Variants in SV2C observed in about 807,000 individuals in gnomAD.
The protein encoded by SV2C is solute carrier family 22 member B3.
A neutral mutation model predicts 79.7 loss-of-function variants in SV2C; 49 were observed. The ratio of observed to expected loss-of-function variants is 0.61; its 90% confidence interval spans 0.49 to 0.78. The LOEUF is 0.78. Among genes scored for constraint, SV2C ranks in the 30% least tolerant of loss-of-function variants. The probability of loss-of-function intolerance (pLI) is 0.00; values close to 1 mark genes in which losing one functional copy is unlikely to be tolerated. For synonymous variants in SV2C, 334 were observed against 333.2 expected (o/e 1.00, Z -0.03); for missense variants, 833 against 912.9 (o/e 0.91, Z 1.13).
chr5:75,954,607 C>T, the SV2C span, among the ~76,000 whole-genome samples: 1 of 149,424 alleles, frequency 6.7e-6, no homozygotes, highest in South Asian at 2.1e-4. Flanking sequence ...TCAAATTGTC[C>T]CTGTTTGCAG....
chr5:76,347,603 G>A (rs1749568195), intron 12 of SV2C, among the ~76,000 whole-genome samples: 1 of 152,018 alleles, frequency 6.6e-6, no homozygotes, highest in Non-Finnish European at 1.5e-5. Context: ...CACAATGCCC[G>A]GCTAATTTTT....
chr5:76,187,592 G>A (rs1267233076), intron 2 of SV2C, among the ~76,000 whole-genome samples: 2 of 151,986 alleles, frequency 1.3e-5, no homozygotes, highest in African/African-American at 4.8e-5. Context: ...TGCCTTTGAT[G>A]TTATTACTTT....
the SV2C span, among the ~76,000 whole-genome samples, chr5:75,902,617 A>G: frequency 6.6e-6 from 1 of 152,168 alleles, no homozygotes; most frequent in African/African-American, 2.4e-5. Context: ...ATAATTTCCA[A>G]ACTGTGAAAT....
intron 2 of SV2C, among the ~76,000 whole-genome samples, chr5:76,185,791 C>G (rs7443575): frequency 0.79 from 120,493 of 151,868 alleles, 48,372 homozygotes; most frequent in East Asian, 0.91. Context: ...GACATTTTCC[C>G]CATTGTCCTG....
chr5:76,281,446 C>T (rs193175749), intron 4 of SV2C, among the ~76,000 whole-genome samples: 112 of 150,714 alleles, frequency 7.4e-4, no homozygotes, highest in African/African-American at 2.4e-3. Flanking sequence ...GAGAATGCTA[C>T]GGTTCTCCAA....
At chr5:76,192,106 T>C (rs1342406280) in intron 2 of SV2C, among the ~76,000 whole-genome samples, 1 of 152,174 alleles carries the variant, frequency 6.6e-6, no homozygotes, top group African/African-American at 2.4e-5. Context: ...CCCTCAAACA[T>C]GTATTTAAAA....
intron 2 of SV2C, among the ~76,000 whole-genome samples, chr5:76,168,107 T>C (rs12522790): frequency 0.24 from 36,403 of 151,926 alleles, 6,419 homozygotes; most frequent in East Asian, 0.52. Context: ...TCAGGCTTCT[T>C]GACCCTAAAC....
chr5:75,944,887 A>T, the SV2C span, among the ~76,000 whole-genome samples: 1 of 152,258 alleles, frequency 6.6e-6, no homozygotes, highest in African/African-American at 2.4e-5. Context: ...GGCACCTAAA[A>T]CCCCCAAAAA....
At chr5:76,125,682 G>A (rs758380945) in intron 1 of SV2C, among the ~76,000 whole-genome samples, 6 of 152,130 alleles carry the variant, frequency 3.9e-5, no homozygotes, top group Non-Finnish European at 5.9e-5. Flanking sequence ...TGCACCTTGG[G>A]GGACTACTGA....
chr5:76,265,291 C>T (rs541515028), intron 4 of SV2C, among the ~76,000 whole-genome samples: 5 of 152,256 alleles, frequency 3.3e-5, no homozygotes, highest in South Asian at 2.1e-4. Context: ...TAATGGCGGA[C>T]GCCCCTGCCC....
At chr5:76,247,675 CA>C (rs1367697592) in intron 4 of SV2C, among the ~76,000 whole-genome samples, 2 of 152,152 alleles carry the variant, frequency 1.3e-5, no homozygotes, top group African/African-American at 4.8e-5. Context: ...GTAATTCTAA[CA>C]ATCTATTGGG....
At chr5:76,321,083 AAGG>A (rs1748812216) in intron 12 of SV2C, among the ~76,000 whole-genome samples, 1 of 152,204 alleles carries the variant, frequency 6.6e-6, no homozygotes, top group Non-Finnish European at 1.5e-5. Context: ...ATGGTGCAGA[AAGG>A]AGGATGGTTG....
At chr5:76,208,628 CTAAA>C in intron 3 of SV2C, among the ~76,000 whole-genome samples, 1 of 152,224 alleles carries the variant, frequency 6.6e-6, no homozygotes, top group South Asian at 2.1e-4. Context: ...TCAGTTATTG[CTAAA>C]TAAATAAACA....
At chr5:76,099,243 A>G (rs1365488930) in intron 1 of SV2C, among the ~76,000 whole-genome samples, 3 of 152,168 alleles carry the variant, frequency 2.0e-5, no homozygotes, top group South Asian at 2.1e-4. Flanking sequence ...TAAAAATTGT[A>G]TGATCTTTGC....
the SV2C span, among the ~76,000 whole-genome samples, chr5:75,922,654 TA>T: frequency 6.6e-6 from 1 of 152,342 alleles, no homozygotes; most frequent in South Asian, 2.1e-4. Context: ...AGTTGGAAAT[TA>T]TGTGACTTTA....
At chr5:76,123,018 T>C (rs1459221501) in intron 1 of SV2C, among the ~76,000 whole-genome samples, 1 of 151,676 alleles carries the variant, frequency 6.6e-6, no homozygotes, top group Non-Finnish European at 1.5e-5. Context: ...ATAGATGCAA[T>C]AAAAAATGAT....
Position 76,150,664 on chromosome 5 carries a change from G to T in SV2C, c.580+18334G>T, listed in dbSNP as rs989930574. 6.1e-5 allele frequency among the ~76,000 whole-genome samples: 7 copies of T among 114,044 alleles called. 1 individual carries two copies. In the South Asian group the frequency reaches 1.1e-3, roughly 19 times the overall value. The allele number at this position is 114,044 out of a possible 152,430, so 74.8% of individuals were successfully genotyped here. On this transcript the variant is annotated intron_variant, in intron 2 of 12. Coordinates refer to ENST00000502798, the MANE Select transcript of SV2C (RefSeq NM_014979.4). ...TTTTTTTTTTTTTTTTTGAGACCAGGTGTCACTCTGTTGCCCAGGCTGGAG... is the reference window on the plus strand; with the variant it reads ...TTTTTTTTTTTTTTTTTGAGACCAGTTGTCACTCTGTTGCCCAGGCTGGAG...
the SV2C span, among the ~76,000 whole-genome samples, chr5:75,926,238 C>T: frequency 6.6e-6 from 1 of 152,130 alleles, no homozygotes; most frequent in Non-Finnish European, 1.5e-5. Flanking sequence ...AAACTCTCAT[C>T]TTTGAGCTTA....
chr5:76,158,938 T>C (rs1742819129), intron 2 of SV2C, among the ~76,000 whole-genome samples: 1 of 151,986 alleles, frequency 6.6e-6, no homozygotes, highest in Admixed American at 6.6e-5. Context: ...ATGAAAAGGA[T>C]TATACACCAG....
Sources: gnomAD v4.1 joint callset for allele counts (sites outside exome capture counted in the v4.1 genomes callset) on GRCh38, gnomAD v4.1.1 for gene constraint, MANE v1.5 for transcripts, NCBI Gene and HGNC (gene_info 2026-07-23, HGNC 2026-07-21) for gene names.